Variants in UNC13B observed in about 807,000 individuals in gnomAD.
The protein encoded by UNC13B is unc-13 homolog B.
Under a neutral mutation model 211.0 loss-of-function variants are expected in UNC13B, and 144 were observed. The ratio of observed to expected loss-of-function variants is 0.68; its 90% CI spans 0.60 to 0.78. The LOEUF (loss-of-function observed/expected upper bound fraction) is 0.78. Ranked by LOEUF, UNC13B falls within the 30% of genes least tolerant of loss-of-function variation. The pLI is 0.00. For synonymous variants in UNC13B, 709 were observed against 725.8 expected (o/e 0.98, Z 0.37); for missense variants, 1,777 against 2,002.0 (o/e 0.89, Z 2.14).
intron 1 of UNC13B, among the ~76,000 whole-genome samples, chr9:35,183,616 G>A (rs1426977104): frequency 2.1e-5 from 3 of 142,032 alleles, no homozygotes; most frequent in Non-Finnish European, 4.6e-5. Flanking sequence ...CCTCCCAGAC[G>A]GGGCGGCCGG....
intron 1 of UNC13B, among the ~76,000 whole-genome samples, chr9:35,196,647 C>A (rs1283303247): frequency 6.6e-6 from 1 of 152,154 alleles, no homozygotes; most frequent in Non-Finnish European, 1.5e-5. Flanking sequence ...ATGAATATTT[C>A]TTTTCCACAC....
At chr9:35,346,335 C>T (rs1018265516) in intron 11 of UNC13B, among the ~76,000 whole-genome samples, 2 of 152,120 alleles carry the variant, frequency 1.3e-5, no homozygotes, top group Admixed American at 6.5e-5. Flanking sequence ...TGGTTGTTTC[C>T]TCTAAGCCAG....
At position 35,304,302 on chromosome 9, in the gene UNC13B, T is replaced by A. The variant is rs147739474; in HGVS notation, c.4898T>A (p.Val1633Glu). The change falls in exon 9 of 40, where the codon GTA becomes GAA. Residue 1633 changes from valine (V) to glutamate (E), a missense_variant. Val to Glu is a moderately radical substitution (Grantham distance 121). Coordinates refer to ENST00000635942, the MANE Select transcript of UNC13B (RefSeq NM_001371189.2). ...CTAAATTTAGAAACCTTTTCACAAG[T>A]ACTTAAAGAGTCAAGTTGTGACCAA... The part of the protein sequence containing the change: ...LYLNLETFSQ[V>E]LKESSCDQSD... 8 of 398,752 alleles carry A rather than the reference T, an allele frequency of 2.0e-5. No homozygotes were observed. Among genetic ancestry groups the A allele is most frequent in the African/African-American group, 1.6e-4 (8 of 48,708 alleles). 24.7% of individuals were successfully genotyped at this position (398,752 alleles called of 1,614,324 possible). A position where few individuals can be genotyped will look rare whatever the true frequency, so the allele number is the denominator to read the frequency against.
chr9:35,179,730 G>A (rs1279843311), intron 1 of UNC13B, among the ~76,000 whole-genome samples: 1 of 152,174 alleles, frequency 6.6e-6, no homozygotes, highest in Non-Finnish European at 1.5e-5. Context: ...GATTGAGGCT[G>A]CAGTGAGCCA....
At chr9:35,263,870 C>T (rs1827419046) in intron 7 of UNC13B, among the ~76,000 whole-genome samples, 1 of 152,120 alleles carries the variant, frequency 6.6e-6, no homozygotes. Context: ...GAAGAAAGCC[C>T]TCACCAGGAA....
intron 11 of UNC13B, among the ~76,000 whole-genome samples, chr9:35,334,383 G>T (rs1831538192): frequency 6.6e-6 from 1 of 152,198 alleles, no homozygotes; most frequent in Admixed American, 6.5e-5. Flanking sequence ...TTTTGAAATG[G>T]TTAAAAACCT....
intron 11 of UNC13B, among the ~76,000 whole-genome samples, chr9:35,349,218 A>C (rs2132053968): frequency 6.6e-6 from 1 of 152,226 alleles, no homozygotes; most frequent in Middle Eastern, 3.4e-3. Flanking sequence ...GCCCAGCCGC[A>C]GTACTTCTTT....
At chr9:35,183,429 A>T (rs1262175677) in intron 1 of UNC13B, among the ~76,000 whole-genome samples, 1 of 74,180 alleles carries the variant, frequency 1.3e-5, no homozygotes, top group Non-Finnish European at 2.6e-5. Flanking sequence ...TCCCAGATGA[A>T]GGGCGGCCGG....
intron 1 of UNC13B, among the ~76,000 whole-genome samples, chr9:35,212,919 C>T (rs1296142048): frequency 6.6e-6 from 1 of 152,178 alleles, no homozygotes; most frequent in East Asian, 1.9e-4. Context: ...TTACATACAC[C>T]TAGATTTTAG....
chr9:35,386,287 C>A lies in UNC13B; in HGVS notation c.11088C>A (p.Tyr3696Ter). 6.2e-7 allele frequency: 1 copy of A among 1,614,088 alleles called. No individual in the cohort carries two copies. The highest frequency in any genetic ancestry group is 8.5e-7 in the Non-Finnish European group (1 of 1,179,980). ...NNCHDLYSRQ[Y>*]QLKQELPPEE... ...GCCACGACTTATACAGCCGCCAGTA[C>A]CAGCTGGTAAGAGGTTCAGGATCAG... The change falls in exon 24 of 40, where the codon TAC (tyrosine) becomes TAA (stop). Residue 3696 changes from tyrosine (Y) to a stop codon, truncating the protein, a stop_gained. Transcript: ENST00000635942. LOFTEE classifies it high-confidence loss of function.
chr9:35,275,520 T>A (rs1220120838), intron 7 of UNC13B, among the ~76,000 whole-genome samples: 1 of 152,194 alleles, frequency 6.6e-6, no homozygotes, highest in Non-Finnish European at 1.5e-5. Context: ...GTTTTACTGC[T>A]GTTCGAATAT....
rs1830010491 is a variant in UNC13B, at chr9:35,308,045, G to A, written c.8641G>A (p.Ala2881Thr). 2.5e-6 allele frequency: 1 copy of A among 399,060 alleles called. No homozygotes were observed. Among genetic ancestry groups the A allele is most frequent in the African/African-American group, 2.1e-5 (1 of 48,646 alleles). 24.7% of individuals were successfully genotyped at this position (399,060 alleles called of 1,614,324 possible). Residue 2881 changes from alanine to threonine, a missense_variant, in exon 9 of 40, where the codon GCT becomes ACT. Transcript: ENST00000635942. ...CCTTAACTCCAGTGAGGCTAACAAA[G>A]CTTTGAAGTCTTCTCAAATATCTGG... ...QDLNSSEANKALKSSQISGAS... is the reference protein window; with the variant it reads ...QDLNSSEANKTLKSSQISGAS...
At chr9:35,352,791 C>A (rs1253842416) in intron 11 of UNC13B, 1 of 1,232,180 alleles carries the variant, frequency 8.1e-7, no homozygotes, top group Non-Finnish European at 1.0e-6. Flanking sequence ...CTGTCTACCC[C>A]CCATCAGTTT....
At chr9:35,255,464 A>C (rs1202433532) in intron 6 of UNC13B, among the ~76,000 whole-genome samples, 1 of 152,130 alleles carries the variant, frequency 6.6e-6, no homozygotes, top group African/African-American at 2.4e-5. Flanking sequence ...CCAGCTGTGC[A>C]GGAGACTGCA....
chr9:35,284,560 C>T (rs1266196820), intron 7 of UNC13B, among the ~76,000 whole-genome samples: 1 of 152,024 alleles, frequency 6.6e-6, no homozygotes, highest in Non-Finnish European at 1.5e-5. Flanking sequence ...GCTTGTATTT[C>T]ATTTTGGATT....
intron 7 of UNC13B, among the ~76,000 whole-genome samples, chr9:35,289,548 A>G (rs1036479086): frequency 6.6e-6 from 1 of 152,152 alleles, no homozygotes; most frequent in African/African-American, 2.4e-5. Flanking sequence ...TTCCTGTATG[A>G]TCTTTACAGT....
At chr9:35,336,410 C>T (rs1393681572) in intron 11 of UNC13B, among the ~76,000 whole-genome samples, 1 of 152,176 alleles carries the variant, frequency 6.6e-6, no homozygotes, top group African/African-American at 2.4e-5. Flanking sequence ...AGGTTATGAA[C>T]TTCTTAAGGG....
chr9:35,310,800 G>A lies in UNC13B; in HGVS notation c.9323+19G>A. ...AGGAGAGGTAGGCAACAGCTGCCTT[G>A]AGGAGCTCACATGGCTTCCTCAGTA... On this transcript the variant is annotated intron_variant, in intron 10 of 39. Transcript: ENST00000635942. 1.9e-6 allele frequency: 3 copies of A among 1,606,122 alleles called. No individual in the cohort carries two copies. Among genetic ancestry groups the A allele is most frequent in the South Asian group, 2.2e-5 (2 of 90,218 alleles).
At chr9:35,381,765 G>C in intron 20 of UNC13B, 46 bp downstream of exon 20, 4 of 1,599,168 alleles carry the variant, frequency 2.5e-6, no homozygotes, top group Non-Finnish European at 3.4e-6. Flanking sequence ...AATCACTGGG[G>C]TGGCTAATTA....
Sources: gnomAD v4.1 joint callset for allele counts (sites outside exome capture counted in the v4.1 genomes callset) on GRCh38, gnomAD v4.1.1 for gene constraint, MANE v1.5 for transcripts, NCBI Gene and HGNC (gene_info 2026-07-23, HGNC 2026-07-21) for gene names.